The following APBB2 variants were observed in gnomAD, a reference collection of about 807,000 sequenced individuals.
APBB2 encodes amyloid beta precursor protein binding family B member 2.
In APBB2, 38 loss-of-function variants were observed where a neutral mutation model predicts 82.5. The observed-to-expected ratio is 0.46, with a 90% CI of 0.36 to 0.60. APBB2 has a LOEUF of 0.60. Among genes scored for constraint, APBB2 ranks in the 20% least tolerant of loss-of-function variants. The pLI is 0.00. For synonymous variants in APBB2, 341 were observed against 368.2 expected, an observed-to-expected ratio of 0.93 and a Z score of 0.85; for missense variants, 772 against 972.3, an observed-to-expected ratio of 0.79 and a Z score of 2.74.
intron 12 of APBB2, among the ~76,000 whole-genome samples, chr4:40,864,973 C>T (rs1406915163): frequency 1.3e-5 from 2 of 151,604 alleles, no homozygotes; most frequent in Non-Finnish European, 2.9e-5. Context: ...ATTCTCCCAT[C>T]TCAGCCTCCC....
intron 12 of APBB2, among the ~76,000 whole-genome samples, chr4:40,853,431 T>C (rs1194582145): frequency 6.6e-6 from 1 of 151,668 alleles, no homozygotes; most frequent in Admixed American, 6.6e-5. Context: ...GCACGTTGAG[T>C]GCTCCACTTC....
chr4:40,981,882 C>T (rs1235957828), intron 6 of APBB2, among the ~76,000 whole-genome samples: 2 of 151,860 alleles, frequency 1.3e-5, no homozygotes, highest in Non-Finnish European at 2.9e-5. Context: ...TAGGGTTTCT[C>T]GAGCGTAAGA....
intron 13 of APBB2, among the ~76,000 whole-genome samples, chr4:40,829,668 G>C (rs1363771171): frequency 2.0e-5 from 3 of 152,106 alleles, no homozygotes; most frequent in African/African-American, 7.2e-5. Context: ...TCCATCTGTG[G>C]GAGTCCATGG....
At chr4:40,959,009 A>G (rs919201749) in intron 6 of APBB2, among the ~76,000 whole-genome samples, 8 of 152,098 alleles carry the variant, frequency 5.3e-5, no homozygotes, top group African/African-American at 1.9e-4. Context: ...TATCCCACCC[A>G]CCTAATGAGT....
intron 12 of APBB2, among the ~76,000 whole-genome samples, chr4:40,839,790 G>A (rs1755214980): frequency 6.6e-6 from 1 of 151,772 alleles, no homozygotes; most frequent in Non-Finnish European, 1.5e-5. Context: ...TCAGCCTCCC[G>A]AGTAGCTGGG....
At chr4:41,152,720 G>T (rs1416813695) in intron 1 of APBB2, among the ~76,000 whole-genome samples, 1 of 152,170 alleles carries the variant, frequency 6.6e-6, no homozygotes. Context: ...ATTGATGTTA[G>T]TCAGGAAAAT....
At chr4:40,982,532 G>GT (rs1411318392) in intron 6 of APBB2, among the ~76,000 whole-genome samples, 1 of 151,572 alleles carries the variant, frequency 6.6e-6, no homozygotes, top group Non-Finnish European at 1.5e-5. Context: ...CCCTTAGGAG[G>GT]TCAAGGCAGG....
chr4:40,956,912 C>T (rs1791778012), intron 6 of APBB2, among the ~76,000 whole-genome samples: 1 of 152,138 alleles, frequency 6.6e-6, no homozygotes, highest in Admixed American at 6.5e-5. Context: ...GAGGCATAGT[C>T]TCTGCTGGGC....
intron 2 of APBB2, among the ~76,000 whole-genome samples, chr4:41,128,010 G>A (rs1175875070): frequency 1.3e-5 from 2 of 152,094 alleles, no homozygotes; most frequent in Non-Finnish European, 2.9e-5. Flanking sequence ...AACCCAGGAG[G>A]CGGAGATTGC....
At chr4:41,024,981 C>T (rs556002973) in intron 5 of APBB2, among the ~76,000 whole-genome samples, 8 of 152,324 alleles carry the variant, frequency 5.3e-5, no homozygotes, top group South Asian at 4.1e-4. Flanking sequence ...CTACGATTCG[C>T]GCCACTGTAA....
intron 2 of APBB2, among the ~76,000 whole-genome samples, chr4:41,108,403 G>A (rs1748009815): frequency 6.6e-6 from 1 of 151,888 alleles, no homozygotes; most frequent in Non-Finnish European, 1.5e-5. Context: ...CTTTTCTGAA[G>A]CAATTAATGG....
intron 2 of APBB2, chr4:41,118,048 C>CAA (rs772252563): frequency 1.5e-4 from 19 of 130,678 alleles, no homozygotes; most frequent in Non-Finnish European, 2.0e-4. Flanking sequence ...ATCTACAAAA[C>CAA]AAAACAAAAA....
At chr4:40,902,312 T>C (rs1311502827) in intron 10 of APBB2, among the ~76,000 whole-genome samples, 1 of 152,222 alleles carries the variant, frequency 6.6e-6, no homozygotes, top group African/African-American at 2.4e-5. Flanking sequence ...TAGCGAAAGC[T>C]TTCTAGTTAG....
At chr4:40,848,492 C>T (rs980859551) in intron 12 of APBB2, among the ~76,000 whole-genome samples, 10 of 152,214 alleles carry the variant, frequency 6.6e-5, no homozygotes, top group Non-Finnish European at 1.3e-4. Flanking sequence ...GCCTGGCTCC[C>T]TCCCAGTTAA....
chr4:40,927,917 T>G (rs1006618763), intron 10 of APBB2, among the ~76,000 whole-genome samples: 1 of 152,204 alleles, frequency 6.6e-6, no homozygotes. Flanking sequence ...TTCAAAGCAT[T>G]AAGTTTTCTA....
At chr4:41,002,152 G>T (rs1369396309) in intron 6 of APBB2, among the ~76,000 whole-genome samples, 6 of 152,128 alleles carry the variant, frequency 3.9e-5, no homozygotes, top group Non-Finnish European at 7.3e-5. Context: ...AAGGGTAACT[G>T]GTAACTACCC....
Position 40,815,959 on chromosome 4 carries a change from C to T in APBB2, c.*133G>A, listed in dbSNP as rs1745492241. The stretch of plus-strand genomic sequence containing the variant: ...GACGAGAGAACATGCTTGTCTAACA[C>T]TGCTTGGTTAAGGGTAAATTCTCTG... On this transcript the variant is annotated 3_prime_UTR_variant, in exon 18 of 18. Coordinates refer to ENST00000508593, the MANE Select transcript of APBB2 (RefSeq NM_004307.2). 2.2e-5 allele frequency: 21 copies of T among 975,976 alleles called. No homozygotes were observed. In the South Asian group the frequency reaches 3.2e-4, roughly 15 times the overall value. The allele number at this position is 975,976 out of a possible 1,614,324, so 60.5% of individuals were successfully genotyped here.
At chr4:41,201,632 C>T (rs1201517801) in intron 1 of APBB2, among the ~76,000 whole-genome samples, 4 of 152,090 alleles carry the variant, frequency 2.6e-5, no homozygotes, top group Non-Finnish European at 4.4e-5. Flanking sequence ...CACCTATATC[C>T]GTCTATCCCA....
At chr4:41,093,810 T>A (rs988044079) in intron 3 of APBB2, among the ~76,000 whole-genome samples, 7 of 150,532 alleles carry the variant, frequency 4.7e-5, no homozygotes, top group African/African-American at 1.7e-4. Context: ...GCCAAGATTG[T>A]GCCATTGCAC....
Sources: gnomAD v4.1 joint callset for allele counts (sites outside exome capture counted in the v4.1 genomes callset) on GRCh38, gnomAD v4.1.1 for gene constraint, MANE v1.5 for transcripts, NCBI Gene and HGNC (gene_info 2026-07-23, HGNC 2026-07-21) for gene names.